NDST1: variants seen among roughly 807,000 people sequenced by gnomAD.
NDST1 encodes N-deacetylase and N-sulfotransferase 1.
NDST1 carries 35 observed loss-of-function variants against 92.8 expected under a neutral mutation model. The ratio of observed to expected loss-of-function variants is 0.38; its 90% confidence interval spans 0.29 to 0.50. The LOEUF (loss-of-function observed/expected upper bound fraction) is 0.50, where lower values mean the gene tolerates loss of function less well. Among genes scored for constraint, NDST1 ranks in the 20% least tolerant of loss-of-function variants. The pLI is 0.94. For missense variants in NDST1, 822 were observed against 1,182.7 expected, an observed-to-expected ratio of 0.69 and a Z score of 4.47; for synonymous variants, 493 against 500.3, an observed-to-expected ratio of 0.99 and a Z score of 0.19.
chr5:150,535,713 C>A lies in NDST1; in HGVS notation c.1265C>A (p.Pro422His), dbSNP rs1177841215. ...TCCTCTCCCTAGGAGCATGGCATTC[C>A]CACAGACATGGGGTATGCAGTGGCG... ...NKKFAVEHGIPTDMGYAVAPH... is the reference protein window; with the variant it reads ...NKKFAVEHGIHTDMGYAVAPH... Residue 422 changes from proline to histidine, a missense_variant, in exon 6 of 15, where the codon CCC becomes CAC. Transcript: ENST00000261797. The A allele has an allele frequency of 3.7e-6, 6 of 1,614,102 alleles. No individual in the cohort carries two copies. Among genetic ancestry groups the A allele is most frequent in the Non-Finnish European group, 5.1e-6 (6 of 1,180,050 alleles).
Position 150,551,951 on chromosome 5 carries a change from G to C in NDST1, c.2529+96G>C, listed in dbSNP as rs1755743554. On this transcript the variant is annotated intron_variant, in intron 14 of 14. Transcript: ENST00000261797. ...TTCTCTTTCCTTTACCATGCACTCAGCATGTTCATGGCCTTAGCATTTCTT... is the reference window on the plus strand; with the variant it reads ...TTCTCTTTCCTTTACCATGCACTCACCATGTTCATGGCCTTAGCATTTCTT... 6 of 1,538,160 alleles carry C rather than the reference G, an allele frequency of 3.9e-6. No individual in the cohort carries two copies. The East Asian group carries it at 1.2e-4, about 30-fold the overall frequency.
Position 150,527,943 on chromosome 5 carries a change from G to T in NDST1, c.653G>T (p.Gly218Val), listed in dbSNP as rs763682949. 9.9e-6 allele frequency: 16 copies of T among 1,613,948 alleles called. No individual in the cohort carries two copies. Among genetic ancestry groups the T allele is most frequent in the Non-Finnish European group, 1.3e-5 (15 of 1,179,974 alleles). ...ACGCGACCTAGCGAGGTGGAGAAAG[G>T]TGTGCTCCCCGGCGAGGACTGGACG... Reference protein sequence around the residue: ...YVTRPSEVEKGVLPGEDWTVF... With the variant: ...YVTRPSEVEKVVLPGEDWTVF... Residue 218 changes from glycine (G) to valine (V), a missense_variant, in exon 3 of 15, where the codon GGT becomes GTT. Physicochemically the swap from Gly to Val is moderately radical, Grantham distance 109 (BLOSUM62 -3). Coordinates refer to ENST00000261797, the MANE Select transcript of NDST1 (RefSeq NM_001543.5).
chr5:150,525,521 TG>T (rs1266004663), intron 2 of NDST1, among the ~76,000 whole-genome samples: 1 of 152,136 alleles, frequency 6.6e-6, no homozygotes, highest in Admixed American at 6.5e-5. Context: ...AGCCTGGAGT[TG>T]GGGAGGTAGC....
At position 150,519,860 on chromosome 5, in the gene NDST1, A is replaced by G. The variant is rs1754159017; in HGVS notation, c.-387-1008A>G. Among the ~76,000 whole-genome samples, 4 of 152,018 alleles carry G rather than the reference A, an allele frequency of 2.6e-5. No homozygotes were observed. In the South Asian group the frequency reaches 8.3e-4, roughly 32 times the overall value. On this transcript the variant is annotated intron_variant, in intron 1 of 14. Coordinates refer to ENST00000261797, the MANE Select transcript of NDST1 (RefSeq NM_001543.5). ...ATGTACGTCTTCGTTAACTCTTTCC[A>G]GTGAGATGAGTATAGGAGGCGTGGC... is the stretch of plus-strand genomic sequence containing the variant.
chr5:150,554,279 G>A lies in NDST1; in HGVS notation c.*947G>A, dbSNP rs79051304. The A allele has an allele frequency of 3.6e-6, 1 of 278,804 alleles. No individual in the cohort carries two copies. Among genetic ancestry groups the A allele is most frequent in the Non-Finnish European group, 6.5e-6 (1 of 154,880 alleles). 17.3% of individuals were successfully genotyped at this position (278,804 alleles called of 1,614,324 possible). A position where few individuals can be genotyped will look rare whatever the true frequency, so the allele number is the denominator to read the frequency against. On this transcript the variant is annotated 3_prime_UTR_variant, in exon 15 of 15. Transcript: ENST00000261797. Reference sequence around the variant, plus strand: ...AGAAGCTAAAATATTTTAATATTTTGTTTTTTTTTTTCTTGGTGCCAGAGT... The same window carrying A: ...AGAAGCTAAAATATTTTAATATTTTATTTTTTTTTTTCTTGGTGCCAGAGT...
chr5:150,541,689 G>A (rs2304063), intron 9 of NDST1, 23 bp downstream of exon 9: 16 of 1,609,198 alleles, frequency 9.9e-6, no homozygotes, highest in Middle Eastern at 1.7e-4. Flanking sequence ...GCTCTTGACC[G>A]AGCTTCCCCA....
chr5:150,543,485 C>G (rs1320150172), intron 10 of NDST1, among the ~76,000 whole-genome samples: 1 of 152,188 alleles, frequency 6.6e-6, no homozygotes, highest in African/African-American at 2.4e-5. Flanking sequence ...AGTAGAGGTT[C>G]CCTTAAGGGT....
chr5:150,529,481 T>C (rs1754626537), intron 3 of NDST1, among the ~76,000 whole-genome samples: 1 of 151,852 alleles, frequency 6.6e-6, no homozygotes, highest in South Asian at 2.1e-4. Context: ...ATGTGAACTG[T>C]CATTGTGAGA....
At chr5:150,544,759 G>A (rs1755404824) in intron 10 of NDST1, among the ~76,000 whole-genome samples, 1 of 152,224 alleles carries the variant, frequency 6.6e-6, no homozygotes, top group Non-Finnish European at 1.5e-5. Flanking sequence ...AGTCTGGAAA[G>A]CCGTGCTCAC....
In NDST1 at chr5:150,556,846, G is replaced by A. The variant is rs74833028; in HGVS notation, c.*3514G>A. On this transcript the variant is annotated 3_prime_UTR_variant, in exon 15 of 15. Coordinates refer to ENST00000261797, the MANE Select transcript of NDST1 (RefSeq NM_001543.5). ...GGTTTTGGAATCAGCATCCAGTCAC[G>A]GTGCACACATTGCATTTTCTAACTA... 1,224 of 152,648 alleles carry A rather than the reference G, an allele frequency of 8.0e-3. 45 individuals carry two copies. The East Asian group carries it at 0.13, about 16-fold the overall frequency. 9.5% of individuals were successfully genotyped at this position (152,648 alleles called of 1,614,324 possible).
At chr5:150,530,281 G>C (rs1754664345) in intron 3 of NDST1, among the ~76,000 whole-genome samples, 1 of 152,192 alleles carries the variant, frequency 6.6e-6, no homozygotes, top group Non-Finnish European at 1.5e-5. Context: ...AGGCTCTCCT[G>C]TTTAAAGAAC....
chr5:150,518,793 T>G (rs2151265972), intron 1 of NDST1: 1 of 152,256 alleles, frequency 6.6e-6, no homozygotes, highest in South Asian at 2.1e-4. Flanking sequence ...CTTTTTTTTT[T>G]TTAGATAGAG....
intron 6 of NDST1, among the ~76,000 whole-genome samples, chr5:150,537,490 G>C (rs1054379293): frequency 6.6e-6 from 1 of 152,122 alleles, no homozygotes; most frequent in Non-Finnish European, 1.5e-5. Flanking sequence ...AATAAGCCCC[G>C]GTCTCCCATA....
intron 4 of NDST1, among the ~76,000 whole-genome samples, 191 bp downstream of exon 4, chr5:150,533,223 A>G (rs1335973597): frequency 2.0e-5 from 3 of 152,224 alleles, no homozygotes; most frequent in African/African-American, 7.2e-5. Flanking sequence ...CCATCTGGGG[A>G]CAACAGCAGC....
chr5:150,516,550 G>A lies in NDST1; in HGVS notation c.-387-4318G>A, dbSNP rs532630237. On this transcript the variant is annotated intron_variant, in intron 1 of 14. Transcript: ENST00000261797. ...CATAGCTACTAAATGGTGGAGCTTA[G>A]TTTTGAATCGAAGCCACTTGGCTCC... Among the ~76,000 whole-genome samples the A allele has an allele frequency of 5.9e-5, 9 of 152,338 alleles. No homozygotes were observed. The East Asian group carries it at 1.7e-3, about 29-fold the overall frequency.
chr5:150,548,438 T>A, intron 12 of NDST1, 50 bp downstream of exon 12: 1 of 1,591,940 alleles, frequency 6.3e-7, no homozygotes. Context: ...ACTGGCTTGC[T>A]GTGGTTAGCG....
intron 14 of NDST1, 28 bp downstream of exon 14, chr5:150,551,883 A>G (rs1181803762): frequency 6.2e-7 from 1 of 1,610,528 alleles, no homozygotes; most frequent in Non-Finnish European, 8.5e-7. Flanking sequence ...TACCTGTAGC[A>G]CCTGCATAAG....
At chr5:150,539,861 G>A in intron 7 of NDST1, 1 of 890,024 alleles carries the variant, frequency 1.1e-6, no homozygotes. Flanking sequence ...CATTGGGTCT[G>A]CTTTCCATTT....
chr5:150,532,199 TG>T (rs1754773876), intron 3 of NDST1, among the ~76,000 whole-genome samples: 1 of 152,234 alleles, frequency 6.6e-6, no homozygotes, highest in South Asian at 2.1e-4. Flanking sequence ...TTCTAACTGC[TG>T]GGCTCAAGCA....
Sources: gnomAD v4.1 joint callset for allele counts (sites outside exome capture counted in the v4.1 genomes callset) on GRCh38, gnomAD v4.1.1 for gene constraint, MANE v1.5 for transcripts, NCBI Gene and HGNC (gene_info 2026-07-23, HGNC 2026-07-21) for gene names.